Variants in SDC4 observed in about 807,000 individuals in gnomAD.
SDC4 encodes the protein syndecan-4.
In SDC4, 17 loss-of-function variants were observed where a neutral mutation model predicts 20.5. The ratio of observed to expected loss-of-function variants is 0.83; its 90% CI spans 0.57 to 1.25. The LOEUF (loss-of-function observed/expected upper bound fraction) is 1.25. Among genes scored for constraint, SDC4 ranks in the 50% most tolerant of loss-of-function variants. The probability of loss-of-function intolerance (pLI) is 0.00; values close to 1 mark genes in which losing one functional copy is unlikely to be tolerated. For missense variants in SDC4, 241 were observed against 252.3 expected (o/e 0.96, Z 0.30); for synonymous variants, 107 against 105.3 (o/e 1.02, Z -0.10).
chr20:45,340,521 A>G (rs1315785941), intron 1 of SDC4, among the ~76,000 whole-genome samples: 1 of 152,238 alleles, frequency 6.6e-6, no homozygotes, highest in Non-Finnish European at 1.5e-5. Flanking sequence ...TGGCTGGGCC[A>G]GGGCTCCAGG....
chr20:45,325,626 TC>T lies in SDC4; in HGVS notation c.*1637del, dbSNP rs752486751. ...TGGGGCCTCATCAGCCCTCCCCCATTCCCCCCCCCCTACCCAGGGAGACAAG... is the reference window on the plus strand; with the variant it reads ...TGGGGCCTCATCAGCCCTCCCCCATTCCCCCCCCCTACCCAGGGAGACAAG... On this transcript the variant is annotated 3_prime_UTR_variant, in exon 5 of 5. Transcript: ENST00000372733. 738 of 77,408 alleles carry T rather than the reference TC, an allele frequency of 9.5e-3. 4 individuals carry two copies. Among genetic ancestry groups the T allele is most frequent in the African/African-American group, 0.034 (619 of 17,954 alleles). The allele number at this position is 77,408 out of a possible 1,614,324, so 4.8% of individuals were successfully genotyped here.
At chr20:45,336,953 C>G (rs1041597975) in intron 1 of SDC4, among the ~76,000 whole-genome samples, 1 of 152,082 alleles carries the variant, frequency 6.6e-6, no homozygotes, top group African/African-American at 2.4e-5. Flanking sequence ...TCCCTACCCT[C>G]ACAGACCATC....
In SDC4 at chr20:45,327,042, T is replaced by C; in HGVS notation, c.*222A>G. The C allele has an allele frequency of 2.0e-6, 1 of 502,406 alleles. No individual in the cohort carries two copies. Among genetic ancestry groups the C allele is most frequent in the Non-Finnish European group, 3.5e-6 (1 of 283,026 alleles). 31.1% of individuals were successfully genotyped at this position (502,406 alleles called of 1,614,324 possible). A position where few individuals can be genotyped will look rare whatever the true frequency, so the allele number is the denominator to read the frequency against. The stretch of plus-strand genomic sequence containing the variant: ...CAGTCTTGCCTTCAGAAAGGCCAAG[T>C]TGAATCCATTTTTCTGCCAGGGCAA... On this transcript the variant is annotated 3_prime_UTR_variant, in exon 5 of 5. Transcript: ENST00000372733.
intron 1 of SDC4, among the ~76,000 whole-genome samples, chr20:45,343,730 A>T (rs2267871): frequency 0.22 from 33,131 of 152,094 alleles, 3,768 homozygotes; most frequent in East Asian, 0.43. Flanking sequence ...ACCTGGGCTC[A>T]GAATCTTCAG....
chr20:45,332,908 T>A, intron 3 of SDC4, 115 bp downstream of exon 3: 1 of 975,436 alleles, frequency 1.0e-6, no homozygotes. Flanking sequence ...CCTTCCCGCA[T>A]AGTGGGGTAA....
In SDC4 at chr20:45,335,912, C is replaced by T. The variant is rs1435211905; in HGVS notation, c.69G>A (p.Glu23=). ...FVGGVAESIR[E]TEVIDPQDLL... is the part of the protein sequence containing the mutation. ...GGTCCTGGGGGTCGATGACCTCAGT[C>T]TCTCGGATCTAAGATAAAGAAAGGA... Residue 23 remains glutamate, a synonymous_variant, in exon 2 of 5, where the codon GAG becomes GAA. Transcript: ENST00000372733. 1 of 1,612,238 alleles carries T rather than the reference C, an allele frequency of 6.2e-7. No homozygotes were observed. The highest frequency in any genetic ancestry group is 8.5e-7 in the Non-Finnish European group (1 of 1,179,878).
intron 3 of SDC4, among the ~76,000 whole-genome samples, chr20:45,332,345 G>C (rs2743370): frequency 6.6e-6 from 1 of 151,940 alleles, no homozygotes; most frequent in Non-Finnish European, 1.5e-5. Context: ...ATTTTTAGTA[G>C]AGATAGGGTT....
chr20:45,330,248 G>T, intron 4 of SDC4, 118 bp downstream of exon 4: 4 of 899,678 alleles, frequency 4.4e-6, no homozygotes, highest in Non-Finnish European at 7.1e-6. Flanking sequence ...ACCTGAATAG[G>T]CAAAAGGAAG....
At chr20:45,334,097 C>G (rs1313555852) in intron 2 of SDC4, among the ~76,000 whole-genome samples, 1 of 151,870 alleles carries the variant, frequency 6.6e-6, no homozygotes, top group Admixed American at 6.6e-5. Flanking sequence ...TGGGTTCAAG[C>G]GATTCTCCTG....
chr20:45,348,247 C>G, intron 1 of SDC4, 78 bp downstream of exon 1: 1 of 1,177,674 alleles, frequency 8.5e-7, no homozygotes, highest in Non-Finnish European at 1.2e-6. Context: ...CCCCCCCCAT[C>G]CCACGCTCCG....
intron 1 of SDC4, among the ~76,000 whole-genome samples, chr20:45,347,064 T>C (rs1284778752): frequency 6.6e-6 from 1 of 152,064 alleles, no homozygotes; most frequent in African/African-American, 2.4e-5. Context: ...GATATACCCA[T>C]TAGAAAGTTA....
rs528156257 is a variant in SDC4 at position 45,343,466 on chromosome 20, T to G, written c.60+4859A>C. 3.3e-5 allele frequency among the ~76,000 whole-genome samples: 5 copies of G among 152,286 alleles called. No individual in the cohort carries two copies. In the East Asian group the frequency reaches 9.7e-4, roughly 29 times the overall value. ...GGTCTGATACCCTTGGCAAACCCCC[T>G]GCCCCCTCTCCCTCCAGGCTGCAAA... On this transcript the variant is annotated intron_variant, in intron 1 of 4. Coordinates refer to ENST00000372733, the MANE Select transcript of SDC4 (RefSeq NM_002999.4).
Position 45,326,452 on chromosome 20 carries a change from C to CAAACAA in SDC4, c.*806_*811dup, listed in dbSNP as rs1417909798. ...CGGCTCTTCTCTCATTTTCAAGAAA[C>CAAACAA]AAACAAAAACAAAAACAAAAACCAT... On this transcript the variant is annotated 3_prime_UTR_variant, in exon 5 of 5. Transcript: ENST00000372733. 1 of 133,290 alleles carries CAAACAA rather than the reference C, an allele frequency of 7.5e-6. No homozygotes were observed. The highest frequency in any genetic ancestry group is 2.2e-4 in the East Asian group (1 of 4,646). The allele number at this position is 133,290 out of a possible 1,614,324, so 8.3% of individuals were successfully genotyped here. A position where few individuals can be genotyped will look rare whatever the true frequency, so the allele number is the denominator to read the frequency against.
intron 4 of SDC4, 141 bp from the exon 5 acceptor site, chr20:45,327,556 C>G: frequency 1.1e-6 from 1 of 941,296 alleles, no homozygotes; most frequent in Non-Finnish European, 1.5e-6. Context: ...CAAGCTGATG[C>G]CTTATTTAAG....
At chr20:45,333,954 AAGAAG>A (rs1182871648) in intron 2 of SDC4, among the ~76,000 whole-genome samples, 1 of 42,414 alleles carries the variant, frequency 2.4e-5, no homozygotes, top group Non-Finnish European at 6.2e-5. Flanking sequence ...TTAAAAAAAA[AAGAAG>A]AAGAAATGTA....
At chr20:45,331,845 A>G (rs1439402431) in intron 3 of SDC4, among the ~76,000 whole-genome samples, 1 of 152,232 alleles carries the variant, frequency 6.6e-6, no homozygotes, top group Non-Finnish European at 1.5e-5. Flanking sequence ...CCCCTTGCTT[A>G]ACATATAATC....
In SDC4 at chr20:45,325,767, T is replaced by C. The variant is rs4599; in HGVS notation, c.*1497A>G. The C allele has an allele frequency of 0.25, 38,352 of 152,054 alleles. 4,985 individuals carry two copies. The highest frequency in any genetic ancestry group is 0.42 in the East Asian group (2,174 of 5,156). The allele number at this position is 152,054 out of a possible 1,614,324, so 9.4% of individuals were successfully genotyped here. On this transcript the variant is annotated 3_prime_UTR_variant, in exon 5 of 5. Transcript: ENST00000372733. ...GTCAGTACAGTAGCCATGAACTACA[T>C]ACAGTGACGCCTCTAGAAACGTGGT...
chr20:45,330,342 C>T (rs768349605), intron 4 of SDC4, 24 bp downstream of exon 4: 2 of 1,610,228 alleles, frequency 1.2e-6, no homozygotes, highest in East Asian at 4.5e-5. Context: ...TTCAAGGCAT[C>T]TTATAAGCAG....
At chr20:45,342,375 T>A (rs1253759445) in intron 1 of SDC4, among the ~76,000 whole-genome samples, 2 of 152,188 alleles carry the variant, frequency 1.3e-5, no homozygotes, top group African/African-American at 4.8e-5. Context: ...GGGCCAGCCA[T>A]GTGCCACATC....
Sources: gnomAD v4.1 joint callset for allele counts (sites outside exome capture counted in the v4.1 genomes callset) on GRCh38, gnomAD v4.1.1 for gene constraint, MANE v1.5 for transcripts, NCBI Gene and HGNC (gene_info 2026-07-23, HGNC 2026-07-21) for gene names.